UBA6: variants seen among roughly 807,000 people sequenced by gnomAD.
UBA6 encodes the protein ubiquitin-like modifier-activating enzyme 6.
In UBA6, 87 loss-of-function variants were observed where a neutral mutation model predicts 148.3. That is an observed-to-expected ratio of 0.59 (90% CI 0.49 to 0.70). UBA6 has a LOEUF of 0.70. Ranked by LOEUF, UBA6 falls within the 30% of genes least tolerant of loss-of-function variation. The pLI is 0.00. For missense variants in UBA6, 1,186 were observed against 1,241.2 expected (o/e 0.96, Z 0.67); for synonymous variants, 376 against 401.0 (o/e 0.94, Z 0.75).
chr4:67,661,483 C>T (rs574544864), intron 13 of UBA6, among the ~76,000 whole-genome samples: 5 of 152,294 alleles, frequency 3.3e-5, no homozygotes, highest in Non-Finnish European at 7.4e-5. Flanking sequence ...CCTTTGTCTC[C>T]TGCCATGATT....
intron 7 of UBA6, among the ~76,000 whole-genome samples, chr4:67,672,629 C>T (rs914718191): frequency 1.3e-5 from 2 of 152,148 alleles, no homozygotes; most frequent in South Asian, 4.1e-4. Context: ...CCAAACTAAT[C>T]TTCTGGTATA....
At chr4:67,693,111 TACC>T (rs1411476262) in intron 2 of UBA6, among the ~76,000 whole-genome samples, 5 of 152,148 alleles carry the variant, frequency 3.3e-5, no homozygotes, top group Admixed American at 2.6e-4. Flanking sequence ...TCTCTTTCCC[TACC>T]CTTCTGCCTC....
chr4:67,640,330 A>G (rs1729272618), intron 18 of UBA6, among the ~76,000 whole-genome samples: 1 of 152,198 alleles, frequency 6.6e-6, no homozygotes, highest in Admixed American at 6.6e-5. Context: ...TACTTTGTCT[A>G]TTATATTTGG....
intron 13 of UBA6, among the ~76,000 whole-genome samples, chr4:67,656,582 T>C (rs891650288): frequency 1.3e-5 from 2 of 152,186 alleles, no homozygotes; most frequent in African/African-American, 2.4e-5. Context: ...TCATACTGAA[T>C]GGGCAAAAAC....
At chr4:67,620,209 A>G (rs1156324061) in intron 32 of UBA6, among the ~76,000 whole-genome samples, 1 of 152,218 alleles carries the variant, frequency 6.6e-6, no homozygotes, top group Non-Finnish European at 1.5e-5. Context: ...CTCTTAATTT[A>G]TCCAAGATAC....
At chr4:67,669,262 G>C (rs1013198762) in intron 8 of UBA6, among the ~76,000 whole-genome samples, 1 of 152,090 alleles carries the variant, frequency 6.6e-6, no homozygotes, top group Non-Finnish European at 1.5e-5. Flanking sequence ...AAATCAACTA[G>C]AGAAGGTAAA....
At chr4:67,637,819 T>A (rs1228470057) in intron 19 of UBA6, among the ~76,000 whole-genome samples, 1 of 152,058 alleles carries the variant, frequency 6.6e-6, no homozygotes. Context: ...CACAGGGTCC[T>A]CTGCCTAGGA....
At chr4:67,684,860 T>A (rs1350835611) in intron 2 of UBA6, among the ~76,000 whole-genome samples, 1 of 152,208 alleles carries the variant, frequency 6.6e-6, no homozygotes, top group African/African-American at 2.4e-5. Flanking sequence ...GTTTTAAGTG[T>A]TTTACTTGTA....
intron 2 of UBA6, among the ~76,000 whole-genome samples, chr4:67,696,370 TGA>T (rs1730833529): frequency 2.0e-5 from 3 of 151,994 alleles, no homozygotes. Flanking sequence ...AATTTTAACT[TGA>T]GAGGAACTCT....
rs764026616 is a variant in UBA6 at position 67,622,941 on chromosome 4, CA to C, written c.2929-17del. The stretch of plus-strand genomic sequence containing the variant: ...CATACTTCTCCTAAAAGTGAATATC[CA>C]AAAAAGAAACAATGAAAGCCTCGCT... On this transcript the variant is annotated splice_polypyrimidine_tract_variant and intron_variant, in intron 31 of 32. Coordinates refer to ENST00000322244, the MANE Select transcript of UBA6 (RefSeq NM_018227.6). 1.3e-6 allele frequency: 2 copies of C among 1,574,088 alleles called. No individual in the cohort carries two copies. Among genetic ancestry groups the C allele is most frequent in the Non-Finnish European group, 1.7e-6 (2 of 1,155,766 alleles).
intron 28 of UBA6, among the ~76,000 whole-genome samples, 187 bp from the exon 29 acceptor site, chr4:67,625,374 AAG>A (rs928804785): frequency 1.1e-4 from 17 of 151,140 alleles, no homozygotes; most frequent in African/African-American, 4.1e-4. Flanking sequence ...CCCATGATTA[AAG>A]AGAGCCAATT....
chr4:67,679,016 A>T (rs1415427141), intron 4 of UBA6, among the ~76,000 whole-genome samples: 1 of 152,186 alleles, frequency 6.6e-6, no homozygotes, highest in Admixed American at 6.6e-5. Flanking sequence ...CAAAATGCCC[A>T]CCAATGGGGA....
intron 11 of UBA6, 73 bp from the exon 12 acceptor site, chr4:67,663,288 T>G (rs773017320): frequency 6.4e-6 from 6 of 930,336 alleles, no homozygotes; most frequent in Non-Finnish European, 1.0e-5. Flanking sequence ...CTAAATACTT[T>G]TAAAACATTA....
intron 26 of UBA6, among the ~76,000 whole-genome samples, chr4:67,629,381 T>C (rs1728945569): frequency 6.6e-6 from 1 of 151,942 alleles, no homozygotes; most frequent in South Asian, 2.1e-4. Context: ...CTTGAAATTT[T>C]AGTCCTTCTG....
rs1235976890 is a variant in UBA6, at chr4:67,614,323, AC to A, written c.*4673del. ...CTATATAAAACCAAGATGTACTCTGACCACCTGGGGCACATGTTCTCTGGAC... is the reference window on the plus strand; with the variant it reads ...CTATATAAAACCAAGATGTACTCTGACACCTGGGGCACATGTTCTCTGGAC... On this transcript the variant is annotated 3_prime_UTR_variant, in exon 33 of 33. Coordinates refer to ENST00000322244, the MANE Select transcript of UBA6 (RefSeq NM_018227.6). The A allele has an allele frequency of 1.3e-5, 2 of 152,314 alleles. No homozygotes were observed. The highest frequency in any genetic ancestry group is 3.9e-4 in the East Asian group (2 of 5,188). 9.4% of individuals were successfully genotyped at this position (152,314 alleles called of 1,614,324 possible). A position where few individuals can be genotyped will look rare whatever the true frequency, so the allele number is the denominator to read the frequency against.
At chr4:67,632,310 G>A (rs1243358592) in intron 23 of UBA6, among the ~76,000 whole-genome samples, 1 of 152,096 alleles carries the variant, frequency 6.6e-6, no homozygotes, top group East Asian at 1.9e-4. Context: ...ATTGATACAT[G>A]TTTGAGATTT....
chr4:67,672,046 C>T (rs1322279079), intron 7 of UBA6, among the ~76,000 whole-genome samples: 2 of 151,992 alleles, frequency 1.3e-5, no homozygotes, highest in Admixed American at 6.6e-5. Flanking sequence ...TATCTCTCTT[C>T]CCAACTCTTT....
chr4:67,673,769 T>A lies in UBA6; in HGVS notation c.474A>T (p.Val158=). ...GCAATGGAAGTTTCATCTCAGTCAA[T>A]ACTACACACTGTTGAGAAAACAACA... is the stretch of plus-strand genomic sequence containing the variant. ...LSFLDKYQCV[V]LTEMKLPLQK... Residue 158 remains valine (V), a synonymous_variant, in exon 7 of 33, where the codon GTA becomes GTT. Transcript: ENST00000322244. 1 of 1,606,916 alleles carries A rather than the reference T, an allele frequency of 6.2e-7. No homozygotes were observed. The highest frequency in any genetic ancestry group is 8.5e-7 in the Non-Finnish European group (1 of 1,175,222).
chr4:67,678,687 A>T (rs1302303207), intron 4 of UBA6, among the ~76,000 whole-genome samples, 154 bp from the exon 5 acceptor site: 1 of 152,200 alleles, frequency 6.6e-6, no homozygotes, highest in African/African-American at 2.4e-5. Context: ...AAAGATGTTC[A>T]ACCTTGCCCA....
Sources: gnomAD v4.1 joint callset for allele counts (sites outside exome capture counted in the v4.1 genomes callset) on GRCh38, gnomAD v4.1.1 for gene constraint, MANE v1.5 for transcripts, NCBI Gene and HGNC (gene_info 2026-07-23, HGNC 2026-07-21) for gene names.